JPH1: variants seen among roughly 807,000 people sequenced by gnomAD.
JPH1 encodes junctophilin-1.
In JPH1, 12 loss-of-function variants were observed where a neutral mutation model predicts 53.6. The ratio of observed to expected loss-of-function variants is 0.22; its 90% confidence interval spans 0.14 to 0.36. The LOEUF (loss-of-function observed/expected upper bound fraction) is 0.36, where lower values mean the gene tolerates loss of function less well. JPH1 is among the 10% of genes least tolerant of loss of function. The pLI is 1.00. For synonymous variants in JPH1, 375 were observed against 363.8 expected, an observed-to-expected ratio of 1.03 and a Z score of -0.35; for missense variants, 808 against 905.5, an observed-to-expected ratio of 0.89 and a Z score of 1.38.
chr8:74,242,347 G>A (rs1805721196), intron 4 of JPH1, among the ~76,000 whole-genome samples: 1 of 152,136 alleles, frequency 6.6e-6, no homozygotes, highest in African/African-American at 2.4e-5. Flanking sequence ...TTAAAGTATT[G>A]ACTCATTTAA....
intron 3 of JPH1, among the ~76,000 whole-genome samples, chr8:74,258,540 A>G (rs1164798416): frequency 6.6e-6 from 1 of 152,158 alleles, no homozygotes; most frequent in East Asian, 1.9e-4. Flanking sequence ...TATTTCTTCC[A>G]TTGTGACATG....
intron 4 of JPH1, among the ~76,000 whole-genome samples, chr8:74,237,605 C>T (rs1226514390): frequency 1.3e-5 from 2 of 152,194 alleles, no homozygotes; most frequent in Non-Finnish European, 2.9e-5. Context: ...ACACAGCTCA[C>T]CCTAACAGGG....
In JPH1 at chr8:74,244,948, G is replaced by C. The variant is rs1805811884; in HGVS notation, c.1486C>G (p.Gln496Glu). 6.2e-7 allele frequency: 1 copy of C among 1,614,002 alleles called. No individual in the cohort carries two copies. The highest frequency in any genetic ancestry group is 1.3e-5 in the African/African-American group (1 of 74,904). ...TCATCAGCCACACTCCTTTTGTCTT[G>C]GTTGAGTCTCGCCCCTGAGCTGGGG... is the stretch of plus-strand genomic sequence containing the variant. ...QNPSSGARLN[Q>E]DKRSVADEQV... Residue 496 changes from glutamine to glutamate, a missense_variant, in exon 4 of 6, where the codon CAA becomes GAA. Gln to Glu is a conservative substitution (Grantham distance 29). Transcript: ENST00000342232.
At position 74,293,200 on chromosome 8, in the gene JPH1, A is replaced by G. The variant is rs76573065; in HGVS notation, c.1139+21661T>C. The stretch of plus-strand genomic sequence containing the variant: ...CTACTAATCTAGTAACTGAAAAAAT[A>G]TATATTATGACCTGTATTTCACAAA... On this transcript the variant is annotated intron_variant, in intron 2 of 5. Transcript: ENST00000342232. 9.8e-3 allele frequency among the ~76,000 whole-genome samples: 1,491 copies of G among 152,290 alleles called. 21 individuals are homozygous for G. The highest frequency in any genetic ancestry group is 0.034 in the African/African-American group (1,419 of 41,546).
intron 1 of JPH1, among the ~76,000 whole-genome samples, chr8:74,316,001 T>C (rs746866561): frequency 1.3e-5 from 2 of 152,172 alleles, no homozygotes; most frequent in Non-Finnish European, 2.9e-5. Context: ...TGAAATGAAT[T>C]CTATGTGTAA....
chr8:74,258,686 T>C (rs1806305693), intron 3 of JPH1, among the ~76,000 whole-genome samples: 1 of 152,226 alleles, frequency 6.6e-6, no homozygotes, highest in Non-Finnish European at 1.5e-5. Flanking sequence ...GCTCTTCTCT[T>C]ACTACTAAAA....
At chr8:74,308,743 G>C (rs13257503) in intron 2 of JPH1, among the ~76,000 whole-genome samples, 7,216 of 152,208 alleles carry the variant, frequency 0.047, 190 homozygotes, top group East Asian at 0.069. Context: ...AAGCGGGGTT[G>C]AGGAAAACTT....
intron 3 of JPH1, among the ~76,000 whole-genome samples, chr8:74,257,075 T>C (rs753417897): frequency 6.6e-6 from 1 of 152,152 alleles, no homozygotes; most frequent in Non-Finnish European, 1.5e-5. Context: ...TGAGTTATGC[T>C]CCCTTAAGAA....
chr8:74,278,804 AT>A (rs1488686120), intron 2 of JPH1, among the ~76,000 whole-genome samples: 2 of 152,156 alleles, frequency 1.3e-5, no homozygotes, highest in African/African-American at 4.8e-5. Flanking sequence ...AAAGACTTGG[AT>A]TTGGGTCCTG....
chr8:74,252,799 C>CAA (rs1806104133), intron 3 of JPH1, among the ~76,000 whole-genome samples: 1 of 151,788 alleles, frequency 6.6e-6, no homozygotes, highest in Non-Finnish European at 1.5e-5. Context: ...GAGACAAGGC[C>CAA]ATTACATAAT....
At chr8:74,256,569 A>G (rs886420970) in intron 3 of JPH1, among the ~76,000 whole-genome samples, 6 of 146,692 alleles carry the variant, frequency 4.1e-5, no homozygotes, top group African/African-American at 1.6e-4. Flanking sequence ...ATTTACAAGA[A>G]AAAAACAACC....
At chr8:74,305,210 G>A (rs1042311605) in intron 2 of JPH1, among the ~76,000 whole-genome samples, 1 of 152,212 alleles carries the variant, frequency 6.6e-6, no homozygotes, top group Non-Finnish European at 1.5e-5. Flanking sequence ...TTGGTGTCTT[G>A]AGTAAAGTGA....
chr8:74,276,628 C>T (rs1413945223), intron 2 of JPH1, among the ~76,000 whole-genome samples: 3 of 152,222 alleles, frequency 2.0e-5, no homozygotes, highest in African/African-American at 7.2e-5. Flanking sequence ...TTCTGCATAA[C>T]ATCTGTCATC....
chr8:74,311,031 T>C (rs566570172), intron 2 of JPH1, among the ~76,000 whole-genome samples: 1 of 152,304 alleles, frequency 6.6e-6, no homozygotes, highest in South Asian at 2.1e-4. Context: ...TACCAAGCCA[T>C]CCTTCCACCT....
chr8:74,300,821 T>A (rs1362998198), intron 2 of JPH1, among the ~76,000 whole-genome samples: 3 of 152,140 alleles, frequency 2.0e-5, no homozygotes, highest in Non-Finnish European at 4.4e-5. Flanking sequence ...TCTGTGACAA[T>A]CTGGTCAAGT....
chr8:74,273,757 A>T (rs1248057017), intron 2 of JPH1, among the ~76,000 whole-genome samples: 1 of 152,196 alleles, frequency 6.6e-6, no homozygotes. Flanking sequence ...ATTTTATTTT[A>T]AAAATAATAT....
intron 2 of JPH1, among the ~76,000 whole-genome samples, chr8:74,311,585 A>G (rs907023045): frequency 1.3e-5 from 2 of 152,088 alleles, no homozygotes; most frequent in African/African-American, 4.8e-5. Flanking sequence ...GGTTAGTTAC[A>G]TACATATACA....
intron 2 of JPH1, among the ~76,000 whole-genome samples, chr8:74,269,627 C>T (rs1442641464): frequency 6.6e-6 from 1 of 152,246 alleles, no homozygotes; most frequent in African/African-American, 2.4e-5. Context: ...TGCTTTAACA[C>T]ACTTATTATA....
rs1035740004 is a variant in JPH1, at chr8:74,320,308, C to A, written c.379+601G>T. ...ACCTGCATCAGGTGGCCTTTCTGCT[C>A]CCATAACTAGGACGTTTCCAAATGC... On this transcript the variant is annotated intron_variant, in intron 1 of 5. Transcript: ENST00000342232. The surrounding 1 kb of genome is among the most constrained non-coding windows in gnomAD (Gnocchi z 4.4). 2.6e-5 allele frequency among the ~76,000 whole-genome samples: 4 copies of A among 152,276 alleles called. No individual in the cohort carries two copies. The highest frequency in any genetic ancestry group is 4.2e-4 in the South Asian group (2 of 4,806).
Sources: gnomAD v4.1 joint callset for allele counts (sites outside exome capture counted in the v4.1 genomes callset) on GRCh38, gnomAD v4.1.1 for gene constraint, Gnocchi (gnomAD v3.1) non-coding constraint, MANE v1.5 for transcripts, NCBI Gene and HGNC (gene_info 2026-07-23, HGNC 2026-07-21) for gene names.